The following HERC4 variants were observed in gnomAD, a reference collection of about 807,000 sequenced individuals.
The protein encoded by HERC4 is probable E3 ubiquitin-protein ligase HERC4.
In HERC4, 28 loss-of-function variants were observed where a neutral mutation model predicts 124.3. The ratio of observed to expected loss-of-function variants is 0.23; its 90% CI spans 0.17 to 0.31. HERC4 has a LOEUF of 0.31. HERC4 is among the 10% of genes least tolerant of loss of function. The pLI is 1.00. For synonymous variants in HERC4, 407 were observed against 421.5 expected, an observed-to-expected ratio of 0.97 and a Z score of 0.42; for missense variants, 713 against 1,229.3, an observed-to-expected ratio of 0.58 and a Z score of 6.28.
intron 9 of HERC4, among the ~76,000 whole-genome samples, chr10:68,007,156 A>T (rs143195576): frequency 1.3e-5 from 2 of 151,236 alleles, no homozygotes; most frequent in African/African-American, 4.9e-5. Flanking sequence ...GGAGTATTTC[A>T]CTCTTTTTTC....
At chr10:68,038,037 CA>C in intron 5 of HERC4, 55 bp downstream of exon 5, 1 of 987,958 alleles carries the variant, frequency 1.0e-6, no homozygotes, top group South Asian at 1.5e-5. Context: ...TATGCACAAT[CA>C]AAAAAGTATC....
chr10:67,934,276 C>T (rs552803026), intron 22 of HERC4, among the ~76,000 whole-genome samples: 17 of 152,222 alleles, frequency 1.1e-4, no homozygotes, highest in African/African-American at 4.1e-4. Context: ...TCTATGGTTA[C>T]CCTTTTTCTC....
rs1451199155 is a variant in HERC4, at chr10:68,069,554, A to AT, written c.226+3328dup. 11 of 985,430 alleles carry AT rather than the reference A, an allele frequency of 1.1e-5. No homozygotes were observed. In the South Asian group the frequency reaches 4.7e-4, roughly 42 times the overall value. The allele number at this position is 985,430 out of a possible 1,614,324, so 61.0% of individuals were successfully genotyped here. A position where few individuals can be genotyped will look rare whatever the true frequency, so the allele number is the denominator to read the frequency against. On this transcript the variant is annotated intron_variant, in intron 3 of 24. Transcript: ENST00000373700. ...TTTCAATAGGCCACAGGTTAAATCT[A>AT]TTCACTACATTGTCAGGCCAAGTCC...
intron 9 of HERC4, among the ~76,000 whole-genome samples, chr10:68,005,447 C>A (rs1402242520): frequency 6.6e-6 from 1 of 152,066 alleles, no homozygotes; most frequent in Admixed American, 6.5e-5. Flanking sequence ...AAGTGTGTTT[C>A]TTTGCAGGGA....
At position 67,988,907 on chromosome 10, in the gene HERC4, CT is replaced by C. The variant is rs375088843; in HGVS notation, c.1634-73del. On this transcript the variant is annotated intron_variant, in intron 14 of 24. Transcript: ENST00000373700. Reference sequence around the variant, plus strand: ...ATCACAATTTTCAAAATCATACTGACTTTTTTTCTGAAACAGTAGTTGTTAA... The same window carrying C: ...ATCACAATTTTCAAAATCATACTGACTTTTTTCTGAAACAGTAGTTGTTAA... The C allele has an allele frequency of 2.2e-4, 274 of 1,238,400 alleles. 1 individual carries two copies. Among genetic ancestry groups the C allele is most frequent in the Admixed American group, 9.6e-4 (44 of 45,792 alleles). The allele number at this position is 1,238,400 out of a possible 1,614,324, so 76.7% of individuals were successfully genotyped here. A position where few individuals can be genotyped will look rare whatever the true frequency, so the allele number is the denominator to read the frequency against.
At chr10:68,021,533 G>A (rs11527389) in intron 8 of HERC4, among the ~76,000 whole-genome samples, 19,799 of 152,160 alleles carry the variant, frequency 0.13, 1,784 homozygotes, top group East Asian at 0.4. Context: ...AAAATGCTGC[G>A]TGCAGTGGCT....
intron 16 of HERC4, chr10:67,964,896 C>T (rs538613649): frequency 6.6e-6 from 1 of 152,454 alleles, no homozygotes; most frequent in African/African-American, 2.4e-5. Flanking sequence ...CCTCAGCCTT[C>T]CAAGTAGCTG....
intron 6 of HERC4, 134 bp downstream of exon 6, chr10:68,033,831 T>C: frequency 1.5e-6 from 1 of 681,754 alleles, no homozygotes; most frequent in Non-Finnish European, 2.4e-6. Context: ...CAAATGGAAT[T>C]TTTAAATAAC....
intron 15 of HERC4, among the ~76,000 whole-genome samples, chr10:67,978,024 C>T (rs1452688031): frequency 6.6e-6 from 1 of 151,332 alleles, no homozygotes; most frequent in Non-Finnish European, 1.5e-5. Context: ...ACTTGTAATC[C>T]CAGCAAGTTT....
At chr10:67,982,168 C>T (rs2035971192) in intron 15 of HERC4, among the ~76,000 whole-genome samples, 1 of 151,966 alleles carries the variant, frequency 6.6e-6, no homozygotes, top group Admixed American at 6.5e-5. Context: ...CTATCTTAAG[C>T]AAAAAGAACA....
intron 3 of HERC4, chr10:68,069,124 C>G (rs778843141): frequency 1.9e-5 from 18 of 972,932 alleles, no homozygotes; most frequent in Non-Finnish European, 2.1e-5. Context: ...CCAAATTATA[C>G]CTATGATTAG....
In HERC4 at chr10:68,054,369, A is replaced by T. The variant is rs1354163755; in HGVS notation, c.227-9806T>A. ...TTAATGATTTTTTTTTTTTTTTTTC[A>T]GACCGAGTCTCACTAACTCTGTTGC... On this transcript the variant is annotated intron_variant, in intron 3 of 24. Transcript: ENST00000373700. 9.2e-5 allele frequency among the ~76,000 whole-genome samples: 13 copies of T among 141,028 alleles called. No individual in the cohort carries two copies. In the East Asian group the frequency reaches 2.6e-3, roughly 29 times the overall value. 92.5% of individuals were successfully genotyped at this position (141,028 alleles called of 152,430 possible). A position where few individuals can be genotyped will look rare whatever the true frequency, so the allele number is the denominator to read the frequency against.
At chr10:68,040,577 T>G in intron 4 of HERC4, 1 of 426,648 alleles carries the variant, frequency 2.3e-6, no homozygotes, top group Non-Finnish European at 3.1e-6. Context: ...TTTTTGAATA[T>G]TCAAATACAC....
intron 9 of HERC4, among the ~76,000 whole-genome samples, chr10:67,995,621 C>T (rs1294516220): frequency 6.7e-6 from 1 of 150,146 alleles, no homozygotes; most frequent in Non-Finnish European, 1.5e-5. Flanking sequence ...GGATATTAAC[C>T]TTAGGTTGTA....
intron 3 of HERC4, among the ~76,000 whole-genome samples, chr10:68,051,510 A>C (rs2040303410): frequency 6.8e-6 from 1 of 147,378 alleles, no homozygotes; most frequent in Non-Finnish European, 1.5e-5. Context: ...ATGCCCAGCT[A>C]GTTTTTTTTT....
At chr10:68,022,888 C>T (rs1400196643) in intron 8 of HERC4, among the ~76,000 whole-genome samples, 1 of 151,930 alleles carries the variant, frequency 6.6e-6, no homozygotes, top group Non-Finnish European at 1.5e-5. Flanking sequence ...GACATTTCTC[C>T]TAAAGATGTA....
At chr10:68,001,858 A>C (rs2037252299) in intron 9 of HERC4, among the ~76,000 whole-genome samples, 1 of 152,178 alleles carries the variant, frequency 6.6e-6, no homozygotes. Flanking sequence ...CTCCAGATTC[A>C]TACAAGTTGC....
intron 16 of HERC4, among the ~76,000 whole-genome samples, chr10:67,964,344 C>G (rs935137145): frequency 2.0e-5 from 3 of 152,084 alleles, no homozygotes; most frequent in African/African-American, 7.2e-5. Flanking sequence ...CCTAGTTTTC[C>G]CTCTACCACA....
intron 8 of HERC4, among the ~76,000 whole-genome samples, chr10:68,022,706 A>G (rs926381555): frequency 1.3e-5 from 2 of 151,992 alleles, no homozygotes; most frequent in Non-Finnish European, 2.9e-5. Flanking sequence ...ACTTTATACA[A>G]TTTTAAAGCT....
Sources: gnomAD v4.1 joint callset for allele counts (sites outside exome capture counted in the v4.1 genomes callset) on GRCh38, gnomAD v4.1.1 for gene constraint, MANE v1.5 for transcripts, NCBI Gene and HGNC (gene_info 2026-07-23, HGNC 2026-07-21) for gene names.